PARD3B: variants seen among roughly 807,000 people sequenced by gnomAD.
PARD3B encodes the protein partitioning defective 3 homolog B.
PARD3B carries 103 observed loss-of-function variants against 130.2 expected under a neutral mutation model. The ratio of observed to expected loss-of-function variants is 0.79; its 90% CI spans 0.67 to 0.93. PARD3B has a LOEUF of 0.93. PARD3B is among the 40% of genes least tolerant of loss of function. The pLI, the probability that PARD3B is intolerant of heterozygous loss-of-function variation, is 0.00. For synonymous variants in PARD3B, 583 were observed against 553.2 expected, an observed-to-expected ratio of 1.05 and a Z score of -0.76; for missense variants, 1,609 against 1,499.2, an observed-to-expected ratio of 1.07 and a Z score of -1.21.
intron 16 of PARD3B, among the ~76,000 whole-genome samples, chr2:205,282,988 G>C (rs1185651019): frequency 1.3e-5 from 2 of 152,172 alleles, no homozygotes; most frequent in Non-Finnish European, 2.9e-5. Context: ...GATTGGCTGA[G>C]GCAGGTGAGC....
chr2:205,144,829 G>A (rs754100834), intron 10 of PARD3B, among the ~76,000 whole-genome samples: 2 of 152,172 alleles, frequency 1.3e-5, no homozygotes, highest in Non-Finnish European at 2.9e-5. Context: ...CACATTAGAT[G>A]CAATTCAAAC....
chr2:204,556,834 T>G (rs575446382), intron 1 of PARD3B, among the ~76,000 whole-genome samples: 1 of 152,330 alleles, frequency 6.6e-6, no homozygotes, highest in African/African-American at 2.4e-5. Context: ...TTGTAGTATG[T>G]CTGTTAAGGC....
At chr2:205,539,450 A>G (rs975428846) in intron 21 of PARD3B, among the ~76,000 whole-genome samples, 2 of 152,182 alleles carry the variant, frequency 1.3e-5, no homozygotes, top group African/African-American at 2.4e-5. Context: ...CCTTTTAGGT[A>G]TCATCCTCTA....
At chr2:205,545,815 T>C (rs2052356264) in intron 21 of PARD3B, among the ~76,000 whole-genome samples, 1 of 152,204 alleles carries the variant, frequency 6.6e-6, no homozygotes, top group Non-Finnish European at 1.5e-5. Flanking sequence ...TTTCAATGAA[T>C]TGTTAAAAAA....
intron 20 of PARD3B, among the ~76,000 whole-genome samples, chr2:205,476,520 C>T (rs1370864620): frequency 5.9e-5 from 9 of 152,128 alleles, no homozygotes; most frequent in Admixed American, 5.2e-4. Context: ...GTGCTGTATC[C>T]ACTGGGTCTA....
At chr2:205,331,252 A>C (rs922218480) in intron 18 of PARD3B, among the ~76,000 whole-genome samples, 1 of 140,816 alleles carries the variant, frequency 7.1e-6, no homozygotes, top group African/African-American at 2.7e-5. Flanking sequence ...ATAAGCACAC[A>C]TGCACATATA....
In PARD3B at chr2:205,463,741, TC is replaced by T. The variant is rs2048530459; in HGVS notation, c.3044+23071del. ...AGTCACTTGCACGCTGAGACTGAAATCCTGAAAGATTGTGGCCTGTTTACTG... is the reference window on the plus strand; with the variant it reads ...AGTCACTTGCACGCTGAGACTGAAATCTGAAAGATTGTGGCCTGTTTACTG... On this transcript the variant is annotated intron_variant, in intron 20 of 22. Coordinates refer to ENST00000406610, the MANE Select transcript of PARD3B (RefSeq NM_001302769.2). The surrounding 1 kb of genome is among the most constrained non-coding windows in gnomAD (Gnocchi z 4.8). Among the ~76,000 whole-genome samples, 1 of 152,172 alleles carries T rather than the reference TC, an allele frequency of 6.6e-6. No individual in the cohort carries two copies. The highest frequency in any genetic ancestry group is 1.5e-5 in the Non-Finnish European group (1 of 68,022).
At chr2:205,420,677 T>C (rs2046937142) in intron 19 of PARD3B, among the ~76,000 whole-genome samples, 1 of 152,180 alleles carries the variant, frequency 6.6e-6, no homozygotes, top group South Asian at 2.1e-4. Context: ...TTATTGAAAG[T>C]GAATTGTTAT....
At chr2:204,804,931 G>A (rs901232213) in intron 2 of PARD3B, among the ~76,000 whole-genome samples, 1 of 151,960 alleles carries the variant, frequency 6.6e-6, no homozygotes, top group Non-Finnish European at 1.5e-5. Flanking sequence ...GAAACAAAAT[G>A]TAAACAGAAC....
intron 2 of PARD3B, among the ~76,000 whole-genome samples, chr2:204,875,142 T>C (rs557595223): frequency 6.6e-6 from 1 of 152,316 alleles, no homozygotes; most frequent in East Asian, 1.9e-4. Context: ...ATTTTAAGTA[T>C]ACAATTCAGT....
At chr2:205,103,251 A>T in intron 4 of PARD3B, among the ~76,000 whole-genome samples, 1 of 73,784 alleles carries the variant, frequency 1.4e-5, no homozygotes, top group East Asian at 5.7e-4. Context: ...TTTATGTAAA[A>T]AACATTTTAT....
chr2:204,963,907 T>A (rs1262580015), intron 2 of PARD3B, among the ~76,000 whole-genome samples: 1 of 152,348 alleles, frequency 6.6e-6, no homozygotes, highest in East Asian at 1.9e-4. Flanking sequence ...AAATGAGTAG[T>A]CAGTTATGAA....
At chr2:205,094,550 C>G (rs1292370898) in intron 4 of PARD3B, among the ~76,000 whole-genome samples, 1 of 152,068 alleles carries the variant, frequency 6.6e-6, no homozygotes, top group African/African-American at 2.4e-5. Flanking sequence ...ACTAAGCACA[C>G]ATACGAATAA....
intron 2 of PARD3B, among the ~76,000 whole-genome samples, chr2:204,777,863 G>A (rs2041689004): frequency 6.6e-6 from 1 of 152,118 alleles, no homozygotes; most frequent in Non-Finnish European, 1.5e-5. Flanking sequence ...TCGAGAGAGG[G>A]AGGTGATTGG....
At chr2:205,317,654 C>T (rs916557171) in intron 18 of PARD3B, among the ~76,000 whole-genome samples, 1 of 152,110 alleles carries the variant, frequency 6.6e-6, no homozygotes, top group East Asian at 1.9e-4. Flanking sequence ...TCTTCCTTCC[C>T]TCACCATTCT....
At chr2:205,035,946 A>G (rs1371097257) in intron 3 of PARD3B, among the ~76,000 whole-genome samples, 1 of 139,632 alleles carries the variant, frequency 7.2e-6, no homozygotes, top group Non-Finnish European at 1.5e-5. Context: ...ATATATATAT[A>G]TGACTATTTT....
In PARD3B at chr2:205,176,480, C is replaced by T; in HGVS notation, c.1827C>T (p.Cys609=). ...AGTGTGGGGCATTTTCCAAGCCATG[C>T]TTTGAGAACTGTCAAAATGCTGTAA... ...PAECGAFSKP[C]FENCQNAVTT... is the part of the protein sequence containing the mutation. The change falls in exon 13 of 23, where the codon TGC becomes TGT. Residue 609 remains cysteine (C), a synonymous_variant. Coordinates refer to ENST00000406610, the MANE Select transcript of PARD3B (RefSeq NM_001302769.2). This position sits in a 1 kb window ranked among gnomAD's most constrained non-coding sequence, Gnocchi z 5.3. 1 of 1,611,868 alleles carries T rather than the reference C, an allele frequency of 6.2e-7. No individual in the cohort carries two copies. The highest frequency in any genetic ancestry group is 1.1e-5 in the South Asian group (1 of 90,624).
chr2:205,079,421 CTG>C (rs1435405124), intron 4 of PARD3B, among the ~76,000 whole-genome samples: 4 of 152,152 alleles, frequency 2.6e-5, no homozygotes, highest in Non-Finnish European at 5.9e-5. Flanking sequence ...GGGATTCTCT[CTG>C]TTTTCAGTAT....
At chr2:204,839,492 AGCTTTGTG>A (rs2044184082) in intron 2 of PARD3B, among the ~76,000 whole-genome samples, 1 of 152,150 alleles carries the variant, frequency 6.6e-6, no homozygotes, top group Admixed American at 6.6e-5. Context: ...GCCTGGCCAC[AGCTTTGTG>A]GCGACTTCTT....
Sources: allele counts gnomAD v4.1 joint callset (sites outside exome capture counted in the v4.1 genomes callset), GRCh38; gene constraint gnomAD v4.1.1; non-coding constraint Gnocchi (gnomAD v3.1); transcripts MANE v1.5; gene names NCBI Gene and HGNC (gene_info 2026-07-23, HGNC 2026-07-21).